Variants in CCNH observed in about 807,000 individuals in gnomAD.
CCNH encodes the protein cyclin-H.
A neutral mutation model predicts 41.9 loss-of-function variants in CCNH; 31 were observed. That is an observed-to-expected ratio of 0.74 (90% CI 0.56 to 1.00). The LOEUF (loss-of-function observed/expected upper bound fraction) is 1.00. Ranked by LOEUF, CCNH falls within the 50% of genes least tolerant of loss-of-function variation. The pLI, the probability that CCNH is intolerant of heterozygous loss-of-function variation, is 0.00. For missense variants in CCNH, 362 were observed against 388.4 expected, an observed-to-expected ratio of 0.93 and a Z score of 0.57; for synonymous variants, 138 against 136.1, an observed-to-expected ratio of 1.01 and a Z score of -0.10.
intron 9 of CCNH, among the ~76,000 whole-genome samples, chr5:87,365,511 A>C (rs1243221972): frequency 6.6e-6 from 1 of 152,124 alleles, no homozygotes; most frequent in African/African-American, 2.4e-5. Flanking sequence ...TTTTTCGATT[A>C]ACAGAGAAGT....
downstream of CCNH, among the ~76,000 whole-genome samples, chr5:87,390,298 G>C (rs556746016): frequency 6.6e-6 from 1 of 152,290 alleles, no homozygotes; most frequent in East Asian, 1.9e-4. Flanking sequence ...TCAGGAGATA[G>C]TGAATGCTGT....
At chr5:87,390,357 G>A (rs1037989914), downstream of CCNH, among the ~76,000 whole-genome samples, 2 of 152,100 alleles carry the variant, frequency 1.3e-5, no homozygotes, top group Non-Finnish European at 2.9e-5. Context: ...AGGGATTAAA[G>A]CATTGAGTTT....
intron 9 of CCNH, among the ~76,000 whole-genome samples, chr5:87,319,308 C>T (rs113628931): frequency 2.0e-5 from 3 of 152,222 alleles, no homozygotes; most frequent in African/African-American, 7.2e-5. Flanking sequence ...CTAGTGGAGA[C>T]TCTCTGTGAG....
chr5:87,319,623 G>C (rs1756626937), intron 9 of CCNH, among the ~76,000 whole-genome samples: 1 of 152,194 alleles, frequency 6.6e-6, no homozygotes. Context: ...CAAGTCCCAA[G>C]GATGCAGTTA....
chr5:87,397,525 C>G lies in CCNH; in HGVS notation c.872+1869G>C, dbSNP rs144653249. 4.2e-3 allele frequency among the ~76,000 whole-genome samples: 644 copies of G among 152,114 alleles called. 2 individuals are homozygous for G. The highest frequency in any genetic ancestry group is 6.2e-3 in the Non-Finnish European group (421 of 67,980). ...ACTGCTGAATCTAATAAAACTTGAG[C>G]TTATGTTTTTGTCTTCACTTTTCTA... On this transcript the variant is annotated intron_variant, in intron 7 of 8. Coordinates refer to ENST00000256897, the MANE Select transcript of CCNH (RefSeq NM_001239.4).
chr5:87,330,102 A>C (rs1179692754), intron 9 of CCNH, among the ~76,000 whole-genome samples: 1 of 152,158 alleles, frequency 6.6e-6, no homozygotes, highest in Non-Finnish European at 1.5e-5. Context: ...ATGGAACGCT[A>C]TAAATAAGTT....
At chr5:87,409,999 G>GC (rs1300780175) in intron 2 of CCNH, among the ~76,000 whole-genome samples, 2 of 152,156 alleles carry the variant, frequency 1.3e-5, no homozygotes, top group Non-Finnish European at 1.5e-5. Context: ...GAAGGAAACT[G>GC]AGTATCAATG....
At chr5:87,354,253 TTA>T (rs1431333803) in intron 9 of CCNH, among the ~76,000 whole-genome samples, 1 of 152,138 alleles carries the variant, frequency 6.6e-6, no homozygotes. Context: ...CATTGCCTTA[TTA>T]TGTTTCAAAG....
downstream of CCNH, among the ~76,000 whole-genome samples, chr5:87,374,616 A>G (rs1157250997): frequency 4.6e-5 from 7 of 151,978 alleles, no homozygotes; most frequent in Non-Finnish European, 1.5e-5. Context: ...ACTTATTTGA[A>G]TGAATTATTA....
chr5:87,348,091 G>T (rs972904541), intron 9 of CCNH, among the ~76,000 whole-genome samples: 2 of 151,926 alleles, frequency 1.3e-5, no homozygotes, highest in Non-Finnish European at 2.9e-5. Flanking sequence ...GAGTATCTTG[G>T]ATTCTTGTCA....
At chr5:87,405,128 C>T in intron 4 of CCNH, 121 bp from the exon 5 acceptor site, 1 of 682,256 alleles carries the variant, frequency 1.5e-6, no homozygotes, top group Non-Finnish European at 2.5e-6. Context: ...AAGTTCCTAG[C>T]ACAGTAATTG....
chr5:87,393,729 G>A (rs1762693191), downstream of CCNH: 1 of 152,162 alleles, frequency 6.6e-6, no homozygotes, highest in South Asian at 2.1e-4. Context: ...AGAAAACTGA[G>A]GCAGAGGATC....
At chr5:87,331,614 A>G in intron 9 of CCNH, 1 of 1,191,006 alleles carries the variant, frequency 8.4e-7, no homozygotes, top group Non-Finnish European at 1.2e-6. Flanking sequence ...TAGAGAAGGA[A>G]GCTTGTTTTC....
intron 7 of CCNH, among the ~76,000 whole-genome samples, chr5:87,396,254 G>A (rs567751011): frequency 2.2e-4 from 34 of 151,982 alleles, no homozygotes; most frequent in African/African-American, 7.7e-4. Flanking sequence ...GTGGTTATGA[G>A]CAGAAAGTCC....
chr5:87,412,600 C>T (rs60700206), intron 1 of CCNH, 78 bp downstream of exon 1: 8 of 1,570,328 alleles, frequency 5.1e-6, no homozygotes, highest in East Asian at 4.5e-5. Flanking sequence ...GCGAGATTGT[C>T]CTGGGAGCCA....
rs534160838 is a variant in CCNH at position 87,341,272 on chromosome 5, T to C, written c.*91-22375A>G. The stretch of plus-strand genomic sequence containing the variant: ...ATAGTTAATTATATAAAATACTGTC[T>C]TAATGTCTTCCCTTTAGGGCCGGGA... On this transcript the variant is annotated intron_variant and NMD_transcript_variant, in intron 9 of 9. Coordinates refer to the CCNH transcript ENST00000645953. The C allele has an allele frequency of 3.0e-5, 39 of 1,313,606 alleles. No individual in the cohort carries two copies. Among genetic ancestry groups the C allele is most frequent in the Admixed American group, 7.2e-5 (2 of 27,620 alleles). The allele number at this position is 1,313,606 out of a possible 1,614,324, so 81.4% of individuals were successfully genotyped here.
exon 10 of CCNH, chr5:87,318,671 G>C (rs1350963161): frequency 6.6e-6 from 1 of 152,180 alleles, no homozygotes; most frequent in Non-Finnish European, 1.5e-5. Flanking sequence ...CCTCCTACCA[G>C]GTCCCCTCCC....
At chr5:87,337,996 A>G (rs781489230) in intron 9 of CCNH, 3 of 1,610,376 alleles carry the variant, frequency 1.9e-6, no homozygotes, top group Middle Eastern at 1.7e-4. Flanking sequence ...AGATATGTTC[A>G]TTGTTCATAA....
chr5:87,405,396 G>C (rs925042243), intron 4 of CCNH, among the ~76,000 whole-genome samples: 1 of 152,042 alleles, frequency 6.6e-6, no homozygotes, highest in African/African-American at 2.4e-5. Flanking sequence ...AATGAATCTC[G>C]ATTTGATTAG....
Sources: gnomAD v4.1 joint callset for allele counts (sites outside exome capture counted in the v4.1 genomes callset) on GRCh38, gnomAD v4.1.1 for gene constraint, MANE v1.5 for transcripts, NCBI Gene and HGNC (gene_info 2026-07-23, HGNC 2026-07-21) for gene names.